Variants in WWC2 observed in about 807,000 individuals in gnomAD.
The protein encoded by WWC2 is protein WWC2.
In WWC2, 101 loss-of-function variants were observed where a neutral mutation model predicts 138.5. The observed-to-expected ratio is 0.73, with a 90% CI of 0.62 to 0.86. WWC2 has a LOEUF of 0.86. Ranked by LOEUF, WWC2 falls within the 40% of genes least tolerant of loss-of-function variation. The pLI, the probability that WWC2 is intolerant of heterozygous loss-of-function variation, is 0.00. For missense variants in WWC2, 1,420 were observed against 1,419.4 expected, an observed-to-expected ratio of 1.00 and a Z score of -0.01; for synonymous variants, 558 against 538.4, an observed-to-expected ratio of 1.04 and a Z score of -0.50.
At chr4:183,231,038 G>A (rs997127994) in intron 4 of WWC2, among the ~76,000 whole-genome samples, 3 of 152,110 alleles carry the variant, frequency 2.0e-5, no homozygotes, top group Non-Finnish European at 2.9e-5. Flanking sequence ...ACATCAAATT[G>A]TGACAAGATT....
chr4:183,124,631 C>T (rs1221953035), intron 1 of WWC2, among the ~76,000 whole-genome samples: 1 of 149,488 alleles, frequency 6.7e-6, no homozygotes, highest in East Asian at 2.0e-4. Flanking sequence ...GCTCTGTTGC[C>T]TAGGCTGGAG....
rs1484965834 is a variant in WWC2 at position 183,129,277 on chromosome 4, T to G, written c.131+29655T>G. 5.3e-5 allele frequency among the ~76,000 whole-genome samples: 8 copies of G among 152,236 alleles called. 1 individual carries two copies. In the East Asian group the frequency reaches 1.5e-3, roughly 29 times the overall value. On this transcript the variant is annotated intron_variant, in intron 1 of 22. Transcript: ENST00000403733. ...GTTAGCTTGAAGGAGAGAATGTTTT[T>G]GGGGGAGGGGTATCTCTTATGACTG... is the stretch of plus-strand genomic sequence containing the variant.
intron 1 of WWC2, among the ~76,000 whole-genome samples, chr4:183,166,502 T>C (rs1023119940): frequency 6.6e-6 from 1 of 152,132 alleles, no homozygotes; most frequent in Non-Finnish European, 1.5e-5. Flanking sequence ...TCACAGGATA[T>C]TTTTTGCCTA....
intron 12 of WWC2, 47 bp downstream of exon 12, chr4:183,265,154 C>T: frequency 6.4e-7 from 1 of 1,571,872 alleles, no homozygotes; most frequent in Non-Finnish European, 8.6e-7. Flanking sequence ...ATCTCCATCG[C>T]CGTGGATGTG....
At chr4:183,249,357 C>T (rs1267945742) in intron 7 of WWC2, among the ~76,000 whole-genome samples, 1 of 152,118 alleles carries the variant, frequency 6.6e-6, no homozygotes, top group Admixed American at 6.6e-5. Flanking sequence ...TTACCTTCTC[C>T]ATTTTGGGAT....
chr4:183,101,821 A>G (rs1025883539), intron 1 of WWC2, among the ~76,000 whole-genome samples: 53 of 152,340 alleles, frequency 3.5e-4, no homozygotes, highest in African/African-American at 1.2e-3. Flanking sequence ...AACTTGATAT[A>G]CTATGGGTCT....
At chr4:183,247,723 A>G (rs963292692) in intron 6 of WWC2, among the ~76,000 whole-genome samples, 6 of 141,318 alleles carry the variant, frequency 4.2e-5, no homozygotes, top group Non-Finnish European at 6.1e-5. Context: ...TATATATACT[A>G]TATACTACAT....
In WWC2 at chr4:183,099,641, G is replaced by T. The variant is rs1579932908; in HGVS notation, c.131+19G>T. 1.5e-6 allele frequency: 2 copies of T among 1,302,466 alleles called. No individual in the cohort carries two copies. Among genetic ancestry groups the T allele is most frequent in the East Asian group, 3.6e-5 (1 of 28,018 alleles). 80.7% of individuals were successfully genotyped at this position (1,302,466 alleles called of 1,614,324 possible). On this transcript the variant is annotated intron_variant, in intron 1 of 22. Transcript: ENST00000403733. Reference sequence around the variant, plus strand: ...GGGACAGGTGGGCGCCGGCCGCGGGGGCGCGGGCCCGTTCGGACACGGCGG... The same window carrying T: ...GGGACAGGTGGGCGCCGGCCGCGGGTGCGCGGGCCCGTTCGGACACGGCGG...
chr4:183,247,571 CTATA>C (rs1179060017), intron 6 of WWC2, among the ~76,000 whole-genome samples: 3 of 131,044 alleles, frequency 2.3e-5, no homozygotes, highest in East Asian at 4.2e-4. Flanking sequence ...TATATATGCT[CTATA>C]TACTATATAC....
chr4:183,315,604 G>T (rs1002725121), intron 22 of WWC2, 59 bp from the exon 23 acceptor site: 2 of 1,398,178 alleles, frequency 1.4e-6, no homozygotes, highest in Non-Finnish European at 2.0e-6. Context: ...CTGTTTTAAT[G>T]GTCCCAGAGT....
intron 21 of WWC2, among the ~76,000 whole-genome samples, chr4:183,291,041 C>A (rs144951976): frequency 6.6e-6 from 1 of 152,230 alleles, no homozygotes; most frequent in African/African-American, 2.4e-5. Flanking sequence ...GAAACCTTCA[C>A]GTTCAGTAGG....
chr4:183,265,216 A>G (rs904031454), intron 12 of WWC2, 109 bp downstream of exon 12: 4 of 1,397,248 alleles, frequency 2.9e-6, no homozygotes, highest in Non-Finnish European at 3.8e-6. Flanking sequence ...TTGGCTTAGT[A>G]AGGACTTTAG....
intron 1 of WWC2, among the ~76,000 whole-genome samples, chr4:183,146,401 G>A (rs547624984): frequency 2.0e-5 from 3 of 152,348 alleles, no homozygotes; most frequent in Admixed American, 6.5e-5. Context: ...GATGAGGGCC[G>A]TAGGGGGTGG....
chr4:183,281,309 G>C (rs1271932840), intron 17 of WWC2: 2 of 204,000 alleles, frequency 9.8e-6, no homozygotes, highest in Non-Finnish European at 1.9e-5. Context: ...AACAACTTCT[G>C]AGTACTCATT....
At chr4:183,119,259 AT>A (rs1732523823) in intron 1 of WWC2, among the ~76,000 whole-genome samples, 1 of 152,194 alleles carries the variant, frequency 6.6e-6, no homozygotes, top group Admixed American at 6.6e-5. Context: ...GGCACTAGGA[AT>A]TTGGCTGGAC....
chr4:183,294,754 C>T (rs546007459), intron 21 of WWC2, among the ~76,000 whole-genome samples: 94 of 92,200 alleles, frequency 1.0e-3, no homozygotes, highest in African/African-American at 2.7e-3. Flanking sequence ...TACTGTTTTC[C>T]TGAGTGTTTT....
At chr4:183,211,395 C>T (rs765691161) in intron 4 of WWC2, among the ~76,000 whole-genome samples, 14 of 152,152 alleles carry the variant, frequency 9.2e-5, no homozygotes, top group Non-Finnish European at 2.1e-4. Flanking sequence ...CCAAATTCTG[C>T]ACATTAATGT....
At chr4:183,115,003 T>A (rs905375079) in intron 1 of WWC2, among the ~76,000 whole-genome samples, 3 of 152,070 alleles carry the variant, frequency 2.0e-5, no homozygotes, top group African/African-American at 7.2e-5. Flanking sequence ...CATAGGTAGT[T>A]TTTTGATCTT....
chr4:183,100,935 G>C lies in WWC2; in HGVS notation c.131+1313G>C, dbSNP rs949730542. Among the ~76,000 whole-genome samples the C allele has an allele frequency of 4.6e-5, 7 of 152,332 alleles. No individual in the cohort carries two copies. In the South Asian group the frequency reaches 1.4e-3, roughly 32 times the overall value. Reference sequence around the variant, plus strand: ...TTGTGACAGGCATCACACCTTCCCAGTGTCTCCAGACGTGCTAGTTGTTGT... The same window carrying C: ...TTGTGACAGGCATCACACCTTCCCACTGTCTCCAGACGTGCTAGTTGTTGT... On this transcript the variant is annotated intron_variant, in intron 1 of 22. Transcript: ENST00000403733.
Sources: gnomAD v4.1 joint callset for allele counts (sites outside exome capture counted in the v4.1 genomes callset) on GRCh38, gnomAD v4.1.1 for gene constraint, MANE v1.5 for transcripts, NCBI Gene and HGNC (gene_info 2026-07-23, HGNC 2026-07-21) for gene names.